Variants in CSNK1A1 observed in about 807,000 individuals in gnomAD.
CSNK1A1 encodes casein kinase 1 alpha 1.
Under a neutral mutation model 46.1 loss-of-function variants are expected in CSNK1A1, and 7 were observed. That is an observed-to-expected ratio of 0.15 (90% CI 0.09 to 0.29). CSNK1A1 has a LOEUF of 0.29. Ranked by LOEUF, CSNK1A1 falls within the 10% of genes least tolerant of loss-of-function variation. CSNK1A1 has a pLI of 1.00. For missense variants in CSNK1A1, 96 were observed against 417.1 expected (o/e 0.23, Z 6.71); for synonymous variants, 137 against 141.5 (o/e 0.97, Z 0.23).
chr5:149,529,750 GT>G (rs1187796835), intron 2 of CSNK1A1: 5 of 456,112 alleles, frequency 1.1e-5, no homozygotes, highest in Non-Finnish European at 2.2e-5. Flanking sequence ...TATTACTACA[GT>G]TTGTGGCTGA....
chr5:149,535,349 T>G (rs1762030855), intron 2 of CSNK1A1, among the ~76,000 whole-genome samples: 1 of 152,174 alleles, frequency 6.6e-6, no homozygotes, highest in Non-Finnish European at 1.5e-5. Context: ...GTTCTGTATT[T>G]GCTGCTAACT....
chr5:149,540,077 T>C (rs970349512), intron 2 of CSNK1A1, among the ~76,000 whole-genome samples: 3 of 152,130 alleles, frequency 2.0e-5, no homozygotes, highest in Non-Finnish European at 4.4e-5. Context: ...GAACAAATCA[T>C]TACATCAGAG....
chr5:149,518,211 C>A (rs1761455398), intron 4 of CSNK1A1, among the ~76,000 whole-genome samples: 1 of 151,786 alleles, frequency 6.6e-6, no homozygotes, highest in South Asian at 2.1e-4. Flanking sequence ...ATCTGCCCTT[C>A]CCCCCCAAAA....
At chr5:149,497,316 A>T (rs928891488) in intron 9 of CSNK1A1, 1 of 988,450 alleles carries the variant, frequency 1.0e-6, no homozygotes, top group East Asian at 1.1e-4. Flanking sequence ...CATTCAAAGC[A>T]TAATTATCTG....
rs1761698159 is a variant in CSNK1A1 at position 149,525,451 on chromosome 5, C to A, written c.231-280G>T. 2.6e-5 allele frequency among the ~76,000 whole-genome samples: 4 copies of A among 152,194 alleles called. No individual in the cohort carries two copies. In the South Asian group the frequency reaches 8.3e-4, roughly 32 times the overall value. On this transcript the variant is annotated intron_variant, in intron 2 of 9. Coordinates refer to ENST00000377843, the MANE Select transcript of CSNK1A1 (RefSeq NM_001892.6). This position sits in a 1 kb window ranked among gnomAD's most constrained non-coding sequence, Gnocchi z 4.2. ...GTTACCAGGGCAGCTGAATTTTATA[C>A]CCACTGGCCACTGATTCCTATGGCC...
At chr5:149,510,819 A>G (rs1214522386) in intron 6 of CSNK1A1, among the ~76,000 whole-genome samples, 2 of 152,214 alleles carry the variant, frequency 1.3e-5, no homozygotes, top group Non-Finnish European at 2.9e-5. Context: ...CACAAGGGCA[A>G]AGGCATCAGA....
intron 2 of CSNK1A1, among the ~76,000 whole-genome samples, chr5:149,531,635 GT>G (rs1297239307): frequency 6.6e-6 from 1 of 151,340 alleles, no homozygotes; most frequent in Non-Finnish European, 1.5e-5. Context: ...ATCGCTGGAG[GT>G]CAGGAGTTCG....
intron 9 of CSNK1A1, chr5:149,497,343 A>G (rs756682744): frequency 1.1e-5 from 11 of 987,314 alleles, no homozygotes; most frequent in Non-Finnish European, 1.3e-5. Flanking sequence ...TTTACTAAAC[A>G]AAGACCTGAG....
chr5:149,506,962 T>C, intron 8 of CSNK1A1, 65 bp downstream of exon 8: 1 of 1,195,496 alleles, frequency 8.4e-7, no homozygotes, highest in African/African-American at 1.5e-5. Context: ...AGAATGAATT[T>C]GTTAGGTAAA....
rs1761633726 is a variant in CSNK1A1, at chr5:149,523,399, AG to A, written c.357+1645del. ...GTCTTTGCTCTATTGCTCAGGCTGG[AG>A]TGCAGTGGCATTATTATAGCTCACT... On this transcript the variant is annotated intron_variant, in intron 3 of 9. Transcript: ENST00000377843. Among the ~76,000 whole-genome samples, 4 of 152,302 alleles carry A rather than the reference AG, an allele frequency of 2.6e-5. No individual in the cohort carries two copies. The South Asian group carries it at 8.3e-4, about 32-fold the overall frequency.
intron 4 of CSNK1A1, among the ~76,000 whole-genome samples, chr5:149,513,581 G>A (rs563030823): frequency 1.3e-5 from 2 of 152,194 alleles, no homozygotes; most frequent in South Asian, 4.1e-4. Context: ...TGTTACTACT[G>A]GTAAACAAAC....
intron 6 of CSNK1A1, 36 bp downstream of exon 6, chr5:149,511,758 G>C (rs1761230064): frequency 7.2e-7 from 1 of 1,392,224 alleles, no homozygotes; most frequent in South Asian, 1.3e-5. Context: ...TTCTAAAAAA[G>C]AGAGAGAAAA....
intron 2 of CSNK1A1, among the ~76,000 whole-genome samples, chr5:149,537,290 C>A (rs569289069): frequency 6.6e-6 from 1 of 152,072 alleles, no homozygotes; most frequent in Non-Finnish European, 1.5e-5. Flanking sequence ...GCAGGAGAAT[C>A]GCTTGAACCC....
In CSNK1A1 at chr5:149,494,609, C is replaced by T. The variant is rs573917005; in HGVS notation, c.*2244G>A. ...AATTTTGGTGAAATGAGATTCATCT[C>T]GTAACAGGATTAGTAACAGCATTCA... On this transcript the variant is annotated 3_prime_UTR_variant, in exon 10 of 10. Coordinates refer to ENST00000377843, the MANE Select transcript of CSNK1A1 (RefSeq NM_001892.6). 2.6e-5 allele frequency: 4 copies of T among 152,108 alleles called. No individual in the cohort carries two copies. Among genetic ancestry groups the T allele is most frequent in the Non-Finnish European group, 5.9e-5 (4 of 68,030 alleles). 9.4% of individuals were successfully genotyped at this position (152,108 alleles called of 1,614,324 possible).
At chr5:149,505,664 T>G in intron 8 of CSNK1A1, 69 bp from the exon 9 acceptor site, 1 of 1,294,564 alleles carries the variant, frequency 7.7e-7, no homozygotes, top group Non-Finnish European at 1.1e-6. Flanking sequence ...CTACTAACTT[T>G]TTAAGACAGT....
At chr5:149,512,942 T>A in intron 5 of CSNK1A1, 128 bp downstream of exon 5, 1 of 1,093,710 alleles carries the variant, frequency 9.1e-7, no homozygotes, top group African/African-American at 1.6e-5. Flanking sequence ...GGTAAAATGA[T>A]TAATAAGCAT....
chr5:149,505,430 G>C lies in CSNK1A1; in HGVS notation c.1006+17C>G. 1 of 1,604,450 alleles carries C rather than the reference G, an allele frequency of 6.2e-7. No homozygotes were observed. The highest frequency in any genetic ancestry group is 8.5e-7 in the Non-Finnish European group (1 of 1,173,910). On this transcript the variant is annotated intron_variant, in intron 9 of 9. Coordinates refer to ENST00000377843, the MANE Select transcript of CSNK1A1 (RefSeq NM_001892.6). ...CAATTTTTTCCCTGTAACGTCACTTGGTTCTTGGCTACTAACCTTTCATGT... is the reference window on the plus strand; with the variant it reads ...CAATTTTTTCCCTGTAACGTCACTTCGTTCTTGGCTACTAACCTTTCATGT...
Position 149,494,893 on chromosome 5 carries a change from T to TA in CSNK1A1, c.*1959dup, listed in dbSNP as rs2113025041. 6.6e-6 allele frequency: 1 copy of TA among 152,380 alleles called. No individual in the cohort carries two copies. The highest frequency in any genetic ancestry group is 2.1e-4 in the South Asian group (1 of 4,834). 9.4% of individuals were successfully genotyped at this position (152,380 alleles called of 1,614,324 possible). On this transcript the variant is annotated 3_prime_UTR_variant, in exon 10 of 10. Coordinates refer to ENST00000377843, the MANE Select transcript of CSNK1A1 (RefSeq NM_001892.6). ...AGAAAAAGTGCATAGTCTAAGTGCA[T>TA]AGTAAATAAAAGCACTGAAAAATAT...
chr5:149,506,024 T>C (rs1444642970), intron 8 of CSNK1A1, among the ~76,000 whole-genome samples: 2 of 152,154 alleles, frequency 1.3e-5, no homozygotes, highest in South Asian at 2.1e-4. Flanking sequence ...TCTCGCAGGT[T>C]CAAGCAATTC....
Sources: gnomAD v4.1 joint callset for allele counts (sites outside exome capture counted in the v4.1 genomes callset) on GRCh38, gnomAD v4.1.1 for gene constraint, Gnocchi (gnomAD v3.1) non-coding constraint, MANE v1.5 for transcripts, NCBI Gene and HGNC (gene_info 2026-07-23, HGNC 2026-07-21) for gene names.